Variants in GABRG3 observed in about 807,000 individuals in gnomAD.
The protein encoded by GABRG3 is gamma-aminobutyric acid type A receptor subunit gamma3, also known as gamma-aminobutyric acid receptor subunit gamma-3.
In GABRG3, 25 loss-of-function variants were observed where a neutral mutation model predicts 48.8. That is an observed-to-expected ratio of 0.51 (90% CI 0.37 to 0.72). The LOEUF (loss-of-function observed/expected upper bound fraction) is 0.72. GABRG3 is among the 30% of genes least tolerant of loss of function. The pLI is 0.00. For synonymous variants in GABRG3, 227 were observed against 217.6 expected, an observed-to-expected ratio of 1.04 and a Z score of -0.38; for missense variants, 394 against 577.9, an observed-to-expected ratio of 0.68 and a Z score of 3.26.
rs567189902 is a variant in GABRG3, at chr15:27,070,284, G to A, written c.270+43463G>A. On this transcript the variant is annotated intron_variant, in intron 3 of 9. Coordinates refer to ENST00000615808, the MANE Select transcript of GABRG3 (RefSeq NM_033223.5). The stretch of plus-strand genomic sequence containing the variant: ...ATAAGGATATTGCTTCCCATTGGTA[G>A]GATGTGCATTTGGTGTGACCCAGGA... Among the ~76,000 whole-genome samples the A allele has an allele frequency of 2.0e-5, 3 of 152,340 alleles. No individual in the cohort carries two copies. In the East Asian group the frequency reaches 5.8e-4, roughly 29 times the overall value.
intron 3 of GABRG3, among the ~76,000 whole-genome samples, chr15:27,193,853 G>T (rs1475775224): frequency 3.3e-5 from 5 of 152,114 alleles, no homozygotes; most frequent in Non-Finnish European, 7.3e-5. Flanking sequence ...TTCCTATTCG[G>T]CCATCTTGGC....
chr15:27,215,337 A>G (rs1212306558), intron 3 of GABRG3, among the ~76,000 whole-genome samples: 4 of 152,248 alleles, frequency 2.6e-5, no homozygotes, highest in East Asian at 1.9e-4. Flanking sequence ...CCTCAAAAAC[A>G]TGTTACATTT....
At chr15:27,218,776 G>T (rs117704459) in intron 3 of GABRG3, among the ~76,000 whole-genome samples, 2,274 of 152,286 alleles carry the variant, frequency 0.015, 21 homozygotes, top group South Asian at 0.042. Flanking sequence ...ATTTTGAACC[G>T]CTGCGACTGA....
At chr15:27,514,310 C>T (rs753426715) in intron 6 of GABRG3, among the ~76,000 whole-genome samples, 2 of 152,130 alleles carry the variant, frequency 1.3e-5, no homozygotes, top group Admixed American at 6.6e-5. Context: ...TGTGGCTTAG[C>T]GGGGAACTTT....
chr15:27,438,247 T>C (rs934018074), intron 5 of GABRG3, among the ~76,000 whole-genome samples: 13 of 152,226 alleles, frequency 8.5e-5, no homozygotes, highest in Non-Finnish European at 1.8e-4. Flanking sequence ...CTGGAATTTT[T>C]TACTTCTAAT....
Position 27,414,291 on chromosome 15 carries a change from C to T in GABRG3, c.575-66359C>T, listed in dbSNP as rs138168933. Among the ~76,000 whole-genome samples, 52 of 152,192 alleles carry T rather than the reference C, an allele frequency of 3.4e-4. 1 individual carries two copies. Among genetic ancestry groups the T allele is most frequent in the Admixed American group, 7.2e-4 (11 of 15,290 alleles). On this transcript the variant is annotated intron_variant, in intron 5 of 9. Coordinates refer to ENST00000615808, the MANE Select transcript of GABRG3 (RefSeq NM_033223.5). Reference sequence around the variant, plus strand: ...TTTCTCTCTTTCTGGCTCTTCTTGCCGTCACCTGCCTCTTTCTTCCGTGCT... The same window carrying T: ...TTTCTCTCTTTCTGGCTCTTCTTGCTGTCACCTGCCTCTTTCTTCCGTGCT...
At chr15:27,280,882 T>G (rs7496274) in intron 3 of GABRG3, among the ~76,000 whole-genome samples, 67,259 of 152,022 alleles carry the variant, frequency 0.44, 17,891 homozygotes, top group Non-Finnish European at 0.61. Flanking sequence ...TCTCACTCAT[T>G]TTTTGACTAA....
Position 27,042,109 on chromosome 15 carries a change from G to A in GABRG3, c.270+15288G>A, listed in dbSNP as rs189161234. On this transcript the variant is annotated intron_variant, in intron 3 of 9. Coordinates refer to ENST00000615808, the MANE Select transcript of GABRG3 (RefSeq NM_033223.5). ...GAGGTTCTCCAAAGGACAGAGCTGC[G>A]TGTGAGGACACAGGATACTGTGGTC... is the stretch of plus-strand genomic sequence containing the variant. Among the ~76,000 whole-genome samples the A allele has an allele frequency of 6.2e-4, 95 of 152,348 alleles. 1 individual carries two copies. The highest frequency in any genetic ancestry group is 5.6e-3 in the Admixed American group (86 of 15,304).
At chr15:27,429,641 A>T (rs1888390978) in intron 5 of GABRG3, among the ~76,000 whole-genome samples, 1 of 152,134 alleles carries the variant, frequency 6.6e-6, no homozygotes, top group African/African-American at 2.4e-5. Flanking sequence ...CCTTTCAGAC[A>T]CTTTGTCTAA....
intron 3 of GABRG3, among the ~76,000 whole-genome samples, chr15:27,278,800 A>T (rs1230343755): frequency 6.6e-6 from 1 of 152,208 alleles, no homozygotes; most frequent in African/African-American, 2.4e-5. Context: ...CATAAAAGCC[A>T]AGAGTGTAAT....
At chr15:27,042,974 G>T (rs1191583218) in intron 3 of GABRG3, among the ~76,000 whole-genome samples, 2 of 152,214 alleles carry the variant, frequency 1.3e-5, no homozygotes, top group African/African-American at 4.8e-5. Context: ...GTCAAGGGTG[G>T]GGGCCTTGTA....
intron 5 of GABRG3, among the ~76,000 whole-genome samples, chr15:27,360,045 G>A (rs1894970740): frequency 6.6e-6 from 1 of 152,228 alleles, no homozygotes; most frequent in African/African-American, 2.4e-5. Flanking sequence ...CCAAGAGTCA[G>A]AAGGGAGCAT....
At chr15:27,286,358 G>C (rs574663586) in intron 3 of GABRG3, among the ~76,000 whole-genome samples, 22 of 152,210 alleles carry the variant, frequency 1.4e-4, no homozygotes, top group African/African-American at 4.8e-4. Flanking sequence ...CTTTTTCCAC[G>C]GCTGACTCCT....
At chr15:27,392,773 A>G (rs1028512889) in intron 5 of GABRG3, among the ~76,000 whole-genome samples, 2 of 152,200 alleles carry the variant, frequency 1.3e-5, no homozygotes, top group African/African-American at 4.8e-5. Flanking sequence ...CTATCAGTAG[A>G]GACTCCTGGA....
Position 27,026,809 on chromosome 15 carries a change from A to G in GABRG3, c.258A>G (p.Ser86=), listed in dbSNP as rs762424967. The G allele has an allele frequency of 2.9e-5, 46 of 1,606,904 alleles. No homozygotes were observed. The highest frequency in any genetic ancestry group is 3.4e-5 in the Non-Finnish European group (40 of 1,177,578). The stretch of plus-strand genomic sequence containing the variant: ...ATGTTAACAGCATTGGTCCTGTGTC[A>G]TCAATAAACATGGTAAGAAGCTCCT... The part of the protein sequence containing the change: ...DIYVNSIGPV[S]SINMEYQIDI... Residue 86 remains serine (S), a synonymous_variant, in exon 3 of 10, where the codon TCA becomes TCG. Transcript: ENST00000615808.
chr15:27,300,682 A>C (rs1892172946), intron 3 of GABRG3, among the ~76,000 whole-genome samples: 2 of 30,186 alleles, frequency 6.6e-5, no homozygotes, highest in Non-Finnish European at 2.0e-4. Flanking sequence ...AATAAGCAAA[A>C]AAAAAAAAAA....
At chr15:27,123,029 G>A (rs1012686893) in intron 3 of GABRG3, among the ~76,000 whole-genome samples, 1 of 152,158 alleles carries the variant, frequency 6.6e-6, no homozygotes, top group Non-Finnish European at 1.5e-5. Context: ...GAGCTCAGGG[G>A]ATCCCCTTTT....
chr15:27,004,813 T>C (rs1384572598), intron 2 of GABRG3, among the ~76,000 whole-genome samples: 1 of 152,240 alleles, frequency 6.6e-6, no homozygotes, highest in African/African-American at 2.4e-5. Flanking sequence ...TAGTTACATA[T>C]TGCTGTAAAA....
At chr15:27,071,647 T>A (rs1390110539) in intron 3 of GABRG3, among the ~76,000 whole-genome samples, 1 of 152,206 alleles carries the variant, frequency 6.6e-6, no homozygotes, top group Admixed American at 6.5e-5. Flanking sequence ...CTGGCTGTAG[T>A]ACGGTGAGGC....
Sources: gnomAD v4.1 joint callset for allele counts (sites outside exome capture counted in the v4.1 genomes callset) on GRCh38, gnomAD v4.1.1 for gene constraint, MANE v1.5 for transcripts, NCBI Gene and HGNC (gene_info 2026-07-23, HGNC 2026-07-21) for gene names.